Variants in PCSK5 observed in about 807,000 individuals in gnomAD.
PCSK5 encodes proprotein convertase subtilisin/kexin type 5.
Under a neutral mutation model 233.2 loss-of-function variants are expected in PCSK5, and 129 were observed. That is an observed-to-expected ratio of 0.55 (90% confidence interval 0.48 to 0.64). The LOEUF is 0.64. Ranked by LOEUF, PCSK5 falls within the 30% of genes least tolerant of loss-of-function variation. PCSK5 has a pLI of 0.00. For missense variants in PCSK5, 2,076 were observed against 2,430.1 expected, an observed-to-expected ratio of 0.85 and a Z score of 3.06; for synonymous variants, 825 against 879.2, an observed-to-expected ratio of 0.94 and a Z score of 1.09.
At chr9:76,152,022 A>AGTTGATTGAATAATCG (rs1317274987) in intron 10 of PCSK5, among the ~76,000 whole-genome samples, 1 of 152,218 alleles carries the variant, frequency 6.6e-6, no homozygotes, top group Non-Finnish European at 1.5e-5. Context: ...TCGAATAATC[A>AGTTGATTGAATAATCG]AATAATTGAA....
intron 3 of PCSK5, among the ~76,000 whole-genome samples, chr9:75,993,339 T>C (rs1826857231): frequency 6.6e-6 from 1 of 152,136 alleles, no homozygotes; most frequent in East Asian, 1.9e-4. Flanking sequence ...CTCTGTGACC[T>C]CTAGAAAGGT....
rs990638983 is a variant in PCSK5 at position 76,091,844 on chromosome 9, C to G, written c.895-4046C>G. Among the ~76,000 whole-genome samples the G allele has an allele frequency of 2.0e-5, 3 of 152,142 alleles. No homozygotes were observed. The East Asian group carries it at 5.8e-4, about 29-fold the overall frequency. On this transcript the variant is annotated intron_variant, in intron 7 of 37. Transcript: ENST00000674117. ...GAGTGTTTATTGACCCCATGCTGTC[C>G]TTTGAGGTTTTCCTTTACCATGCTC...
chr9:76,231,140 C>T (rs1826065582), intron 21 of PCSK5, among the ~76,000 whole-genome samples: 1 of 152,090 alleles, frequency 6.6e-6, no homozygotes, highest in African/African-American at 2.4e-5. Context: ...AGGAATCTTA[C>T]AATCATGGCA....
chr9:75,928,469 C>T (rs927937461), intron 1 of PCSK5, among the ~76,000 whole-genome samples: 1 of 151,364 alleles, frequency 6.6e-6, no homozygotes, highest in Non-Finnish European at 1.5e-5. Context: ...CATTTTTCTT[C>T]TTAATATTTA....
chr9:75,924,863 C>T (rs1218355698), intron 1 of PCSK5, among the ~76,000 whole-genome samples: 1 of 152,168 alleles, frequency 6.6e-6, no homozygotes, highest in African/African-American at 2.4e-5. Context: ...AGGCTGCCCA[C>T]CATCAACCTT....
chr9:76,157,112 C>T lies in PCSK5; in HGVS notation c.1380C>T (p.Thr460=), dbSNP rs776422693. ...EAMVMEAEKW[T]TVPRQHVCVE... ...TGGTGATGGAGGCAGAGAAGTGGACCACCGTTCCCCGGCAGCACGTGTGTG... is the reference window on the plus strand; with the variant it reads ...TGGTGATGGAGGCAGAGAAGTGGACTACCGTTCCCCGGCAGCACGTGTGTG... Residue 460 remains threonine, a synonymous_variant, in exon 11 of 38, where the codon ACC becomes ACT. Coordinates refer to ENST00000674117, the MANE Select transcript of PCSK5 (RefSeq NM_001372043.1). 1.5e-5 allele frequency: 24 copies of T among 1,613,626 alleles called. No individual in the cohort carries two copies. The Admixed American group carries it at 1.7e-4, about 11-fold the overall frequency.
intron 5 of PCSK5, among the ~76,000 whole-genome samples, chr9:76,044,035 G>A (rs75510503): frequency 0.01 from 1,536 of 152,146 alleles, 29 homozygotes; most frequent in African/African-American, 0.035. Context: ...CTTGAAAAAT[G>A]TTACCAACTT....
chr9:76,084,236 C>T (rs2131626533), intron 7 of PCSK5, among the ~76,000 whole-genome samples: 1 of 152,274 alleles, frequency 6.6e-6, no homozygotes, highest in Non-Finnish European at 1.5e-5. Context: ...TATGTGGTTT[C>T]ACATTATTTA....
At chr9:76,039,361 C>T (rs1828999333) in intron 5 of PCSK5, among the ~76,000 whole-genome samples, 1 of 152,158 alleles carries the variant, frequency 6.6e-6, no homozygotes, top group African/African-American at 2.4e-5. Context: ...AGATGTCATA[C>T]TAACAAAATA....
chr9:76,048,506 A>G (rs957937523), intron 5 of PCSK5, among the ~76,000 whole-genome samples: 4 of 152,176 alleles, frequency 2.6e-5, no homozygotes, highest in African/African-American at 4.8e-5. Flanking sequence ...GGATGTATGC[A>G]TGTTCTTGTT....
intron 24 of PCSK5, among the ~76,000 whole-genome samples, chr9:76,252,222 C>A (rs757637418): frequency 6.6e-6 from 1 of 151,988 alleles, no homozygotes. Flanking sequence ...GAGCCGCGAT[C>A]GCGTGCCCCT....
intron 9 of PCSK5, among the ~76,000 whole-genome samples, chr9:76,123,545 G>A (rs1832727959): frequency 6.6e-6 from 1 of 152,104 alleles, no homozygotes; most frequent in South Asian, 2.1e-4. Context: ...TTCTGCAACA[G>A]ACCATTTTTG....
rs373856415 is a variant in PCSK5 at position 76,227,572 on chromosome 9, C to T, written c.2696C>T (p.Thr899Ile). Reference protein sequence around the residue: ...EASCAKCQGPTQEDCTTCPMT... With the variant: ...EASCAKCQGPIQEDCTTCPMT... ...TCATGTGCCAAGTGCCAGGGACCAA[C>T]CCAGGAAGACTGCACTACCTGCCCC... Residue 899 changes from threonine (T) to isoleucine (I), a missense_variant, in exon 21 of 38, where the codon ACC becomes ATC. By Grantham distance (89) the Thr-to-Ile change is moderately conservative (BLOSUM62 -1). Coordinates refer to ENST00000674117, the MANE Select transcript of PCSK5 (RefSeq NM_001372043.1). 2.4e-4 allele frequency: 393 copies of T among 1,611,458 alleles called. No individual in the cohort carries two copies. The highest frequency in any genetic ancestry group is 3.1e-4 in the Non-Finnish European group (371 of 1,179,214).
intron 30 of PCSK5, among the ~76,000 whole-genome samples, chr9:76,317,599 C>T (rs1320242824): frequency 1.3e-5 from 2 of 152,206 alleles, no homozygotes; most frequent in African/African-American, 4.8e-5. Context: ...TGTTGCAGTT[C>T]TTCGCCACTC....
At chr9:76,236,038 G>A (rs1826242999) in intron 22 of PCSK5, among the ~76,000 whole-genome samples, 1 of 152,168 alleles carries the variant, frequency 6.6e-6, no homozygotes, top group Non-Finnish European at 1.5e-5. Context: ...TTAAGGTTTA[G>A]GTATGATGCC....
intron 5 of PCSK5, among the ~76,000 whole-genome samples, chr9:76,039,331 C>T (rs7023099): frequency 0.22 from 33,632 of 152,078 alleles, 3,913 homozygotes; most frequent in Middle Eastern, 0.32. Context: ...TCACTTTTCC[C>T]CCCTTGTCTT....
intron 11 of PCSK5, among the ~76,000 whole-genome samples, chr9:76,158,533 G>T (rs1315274381): frequency 6.6e-6 from 1 of 152,122 alleles, no homozygotes; most frequent in Non-Finnish European, 1.5e-5. Flanking sequence ...CAGAGCAAGG[G>T]ATGTGAACCC....
intron 20 of PCSK5, among the ~76,000 whole-genome samples, chr9:76,201,279 T>C (rs7854225): frequency 0.015 from 2,245 of 152,298 alleles, 56 homozygotes; most frequent in African/African-American, 0.051. Flanking sequence ...TTCCCTTCCC[T>C]AACAATGAAA....
intron 9 of PCSK5, among the ~76,000 whole-genome samples, chr9:76,110,428 C>T (rs566862620): frequency 2.2e-4 from 34 of 152,350 alleles, no homozygotes; most frequent in East Asian, 1.2e-3. Context: ...CTGAGCTTTT[C>T]GCCAGCCTCT....
Sources: allele counts gnomAD v4.1 joint callset (sites outside exome capture counted in the v4.1 genomes callset), GRCh38; gene constraint gnomAD v4.1.1; transcripts MANE v1.5; gene names NCBI Gene and HGNC (gene_info 2026-07-23, HGNC 2026-07-21).